Variants in EYA4 observed in about 807,000 individuals in gnomAD.
The protein encoded by EYA4 is protein phosphatase EYA4.
EYA4 carries 31 observed loss-of-function variants against 87.9 expected under a neutral mutation model. That is an observed-to-expected ratio of 0.35 (90% CI 0.27 to 0.48). The LOEUF (loss-of-function observed/expected upper bound fraction) is 0.48, where lower values mean the gene tolerates loss of function less well. Among genes scored for constraint, EYA4 ranks in the 20% least tolerant of loss-of-function variants. The pLI is 0.99. For missense variants in EYA4, 678 were observed against 761.4 expected, an observed-to-expected ratio of 0.89 and a Z score of 1.29; for synonymous variants, 263 against 270.6, an observed-to-expected ratio of 0.97 and a Z score of 0.28.
At chr6:133,389,246 C>A (rs1787047014) in intron 3 of EYA4, among the ~76,000 whole-genome samples, 2 of 152,214 alleles carry the variant, frequency 1.3e-5, no homozygotes, top group Non-Finnish European at 2.9e-5. Context: ...TTGCTAGGGA[C>A]AGACCTTTAA....
intron 2 of EYA4, among the ~76,000 whole-genome samples, chr6:133,342,760 C>A (rs1782898144): frequency 6.6e-6 from 1 of 151,520 alleles, no homozygotes; most frequent in South Asian, 2.1e-4. Context: ...CTTTATTTAG[C>A]ATAACCTAAA....
chr6:133,361,299 C>G (rs1423320323), intron 2 of EYA4, among the ~76,000 whole-genome samples: 2 of 152,130 alleles, frequency 1.3e-5, no homozygotes, highest in African/African-American at 4.8e-5. Context: ...GAACCAAGGG[C>G]AGGCTTGTTT....
intron 3 of EYA4, among the ~76,000 whole-genome samples, chr6:133,425,600 T>C (rs1790600149): frequency 6.6e-6 from 1 of 150,838 alleles, no homozygotes; most frequent in South Asian, 2.1e-4. Context: ...CTGAATTATT[T>C]TTGTAATGTC....
At chr6:133,389,240 T>G (rs1787045674) in intron 3 of EYA4, among the ~76,000 whole-genome samples, 1 of 152,218 alleles carries the variant, frequency 6.6e-6, no homozygotes, top group African/African-American at 2.4e-5. Context: ...GAGAGATTGC[T>G]AGGGACAGAC....
intron 13 of EYA4, among the ~76,000 whole-genome samples, chr6:133,484,149 T>G (rs901156810): frequency 1.3e-5 from 2 of 152,234 alleles, no homozygotes; most frequent in Admixed American, 1.3e-4. Flanking sequence ...CAATAACTGT[T>G]TAAGTCTTAG....
intron 3 of EYA4, among the ~76,000 whole-genome samples, chr6:133,396,526 C>T (rs1445316827): frequency 2.0e-5 from 3 of 152,068 alleles, no homozygotes; most frequent in African/African-American, 4.8e-5. Flanking sequence ...TGACATCGAA[C>T]GGGAGACAAA....
chr6:133,300,457 C>T (rs1479864680), intron 2 of EYA4, among the ~76,000 whole-genome samples: 1 of 151,832 alleles, frequency 6.6e-6, no homozygotes, highest in Non-Finnish European at 1.5e-5. Flanking sequence ...CTTTTACTGG[C>T]CAGTATTTAG....
intron 2 of EYA4, among the ~76,000 whole-genome samples, chr6:133,281,275 G>A (rs1777605194): frequency 6.6e-6 from 1 of 152,216 alleles, no homozygotes; most frequent in South Asian, 2.1e-4. Context: ...ACTCTTGATA[G>A]TGTCCTTTGA....
At chr6:133,495,600 G>A (rs1583457996) in intron 13 of EYA4, among the ~76,000 whole-genome samples, 1 of 152,028 alleles carries the variant, frequency 6.6e-6, no homozygotes, top group African/African-American at 2.4e-5. Flanking sequence ...GTTTATTATT[G>A]TCTGCTATGC....
chr6:133,466,980 C>G (rs2128670431), intron 10 of EYA4, among the ~76,000 whole-genome samples: 1 of 152,174 alleles, frequency 6.6e-6, no homozygotes, highest in Non-Finnish European at 1.5e-5. Context: ...GACGATAACT[C>G]TGCCACCAAG....
chr6:133,298,845 G>C (rs146195757), intron 2 of EYA4, among the ~76,000 whole-genome samples: 6 of 152,296 alleles, frequency 3.9e-5, no homozygotes, highest in African/African-American at 1.4e-4. Flanking sequence ...GGTTCATCCT[G>C]ATAAATGTGA....
At chr6:133,481,681 T>C in intron 12 of EYA4, 82 bp downstream of exon 12, 2 of 1,492,526 alleles carry the variant, frequency 1.3e-6, no homozygotes. Flanking sequence ...AGTTCCATTA[T>C]GTTTCAAATT....
intron 3 of EYA4, among the ~76,000 whole-genome samples, chr6:133,395,564 A>G (rs1292102737): frequency 6.6e-6 from 1 of 152,206 alleles, no homozygotes; most frequent in Non-Finnish European, 1.5e-5. Flanking sequence ...GTTTGAGACC[A>G]GCCTGGCCAA....
At chr6:133,427,198 A>G (rs1438908022) in intron 3 of EYA4, among the ~76,000 whole-genome samples, 1 of 152,230 alleles carries the variant, frequency 6.6e-6, no homozygotes, top group Non-Finnish European at 1.5e-5. Flanking sequence ...GAATTTCTGA[A>G]TTTTAAAGTA....
intron 2 of EYA4, among the ~76,000 whole-genome samples, chr6:133,368,412 T>C (rs9375960): frequency 0.03 from 4,631 of 152,300 alleles, 173 homozygotes; most frequent in East Asian, 0.2. Context: ...AACAGACATA[T>C]ATTTTGCTTC....
At chr6:133,336,136 T>C (rs534080059) in intron 2 of EYA4, among the ~76,000 whole-genome samples, 2 of 152,222 alleles carry the variant, frequency 1.3e-5, no homozygotes, top group Admixed American at 6.5e-5. Context: ...CAGTTCCCAA[T>C]AGGATAACTG....
At chr6:133,368,102 G>A (rs913743792) in intron 2 of EYA4, among the ~76,000 whole-genome samples, 1 of 152,076 alleles carries the variant, frequency 6.6e-6, no homozygotes, top group African/African-American at 2.4e-5. Context: ...CAAAGTAAAG[G>A]GATACCATTT....
rs770559595 is a variant in EYA4, at chr6:133,481,529, G to A, written c.1037G>A (p.Ser346Asn). 6 of 1,614,018 alleles carry A rather than the reference G, an allele frequency of 3.7e-6. No homozygotes were observed. In the South Asian group the frequency reaches 6.6e-5, roughly 18 times the overall value. ...IKDLDERTCR[S>N]SGSKSRGRGR... is the part of the protein sequence containing the mutation. ...GATCTTGATGAGAGAACCTGTAGGA[G>A]TTCTGGGTCAAAGTCCAGAGGAAGA... The change falls in exon 12 of 20, where the codon AGT (serine) becomes AAT (asparagine). Residue 346 changes from serine to asparagine, a missense_variant. Physicochemically the swap from Ser to Asn is conservative, Grantham distance 46 (BLOSUM62 1). Transcript: ENST00000355286.
intron 9 of EYA4, among the ~76,000 whole-genome samples, chr6:133,463,962 A>AT (rs112371864): frequency 0.062 from 9,132 of 146,290 alleles, 457 homozygotes; most frequent in East Asian, 0.23. Flanking sequence ...GACAGACAGT[A>AT]TTTTTTTTTT....
Sources: gnomAD v4.1 joint callset for allele counts (sites outside exome capture counted in the v4.1 genomes callset) on GRCh38, gnomAD v4.1.1 for gene constraint, MANE v1.5 for transcripts, NCBI Gene and HGNC (gene_info 2026-07-23, HGNC 2026-07-21) for gene names.